Variants in FAP observed in about 807,000 individuals in gnomAD.
FAP encodes prolyl endopeptidase FAP.
FAP carries 110 observed loss-of-function variants against 126.5 expected under a neutral mutation model. That is an observed-to-expected ratio of 0.87 (90% CI 0.74 to 1.02). The LOEUF is 1.02. FAP is among the 50% of genes least tolerant of loss of function. The pLI, the probability that FAP is intolerant of heterozygous loss-of-function variation, is 0.00. For synonymous variants in FAP, 334 were observed against 297.3 expected (o/e 1.12, Z -1.27); for missense variants, 919 against 909.2 (o/e 1.01, Z -0.14).
At position 162,216,561 on chromosome 2, in the gene FAP, A is replaced by T. The variant is rs115621352; in HGVS notation, c.763-560T>A. On this transcript the variant is annotated intron_variant, in intron 9 of 25. Coordinates refer to ENST00000188790, the MANE Select transcript of FAP (RefSeq NM_004460.5). ...CACCTCCAAATGAAGTATCCATGAG[A>T]TTTATACTTTTCTTGTTTTGTGCTT... Among the ~76,000 whole-genome samples the T allele has an allele frequency of 4.6e-3, 708 of 152,296 alleles. 9 individuals carry two copies. The highest frequency in any genetic ancestry group is 0.016 in the African/African-American group (668 of 41,556).
In FAP at chr2:162,182,997, C is replaced by G. The variant is rs76591734; in HGVS notation, c.1869+417G>C. 1.2e-3 allele frequency among the ~76,000 whole-genome samples: 190 copies of G among 152,108 alleles called. 1 individual carries two copies. Among genetic ancestry groups the G allele is most frequent in the Non-Finnish European group, 1.8e-3 (123 of 68,014 alleles). On this transcript the variant is annotated intron_variant, in intron 21 of 25. Coordinates refer to ENST00000188790, the MANE Select transcript of FAP (RefSeq NM_004460.5). ...AAACAGCTAAGATATGACTGCTAGG[C>G]TAGGTACTAAGGAATTTATATTCTG...
At position 162,218,973 on chromosome 2, in the gene FAP, G is replaced by A. The variant is rs1055184915; in HGVS notation, c.607+90C>T. 1.4e-4 allele frequency: 145 copies of A among 1,047,294 alleles called. No individual in the cohort carries two copies. In the African/African-American group the frequency reaches 1.4e-3, roughly 10 times the overall value. The allele number at this position is 1,047,294 out of a possible 1,614,324, so 64.9% of individuals were successfully genotyped here. A position where few individuals can be genotyped will look rare whatever the true frequency, so the allele number is the denominator to read the frequency against. ...GCAATGCTACCCTTCATGGAAATAA[G>A]ATACTACTCATCTAAATCTTACTAA... On this transcript the variant is annotated intron_variant, in intron 8 of 25. Coordinates refer to ENST00000188790, the MANE Select transcript of FAP (RefSeq NM_004460.5).
Position 162,221,814 on chromosome 2 carries a change from T to A in FAP, c.413+1794A>T, listed in dbSNP as rs1317123257. 8.9e-6 allele frequency: 4 copies of A among 447,982 alleles called. No homozygotes were observed. In the Admixed American group the frequency reaches 9.9e-5, roughly 11 times the overall value. 27.8% of individuals were successfully genotyped at this position (447,982 alleles called of 1,614,324 possible). On this transcript the variant is annotated intron_variant, in intron 6 of 25. Transcript: ENST00000188790. ...GCCTACCTAGCTTGAAACCAGTAGT[T>A]TTGTTTTCTCTATGCTAGATTTTTA... is the stretch of plus-strand genomic sequence containing the variant.
chr2:162,171,404 G>A (rs1687299243), intron 25 of FAP: 1 of 187,738 alleles, frequency 5.3e-6, no homozygotes, highest in Non-Finnish European at 1.1e-5. Flanking sequence ...TGCTTCTTTG[G>A]AGTCTGGTTT....
At chr2:162,196,516 A>ATTTTTTT (rs1559770826) in intron 16 of FAP, among the ~76,000 whole-genome samples, 1 of 148,720 alleles carries the variant, frequency 6.7e-6, no homozygotes, top group African/African-American at 2.5e-5. Context: ...AAACTTGCAT[A>ATTTTTTT]TCTTTTTTTT....
In FAP at chr2:162,223,642, T is replaced by C; in HGVS notation, c.379A>G (p.Thr127Ala). Residue 127 changes from threonine to alanine, a missense_variant, in exon 6 of 26, where the codon ACA (threonine) becomes GCA (alanine). By Grantham distance (58) the Thr-to-Ala change is moderately conservative. Coordinates refer to ENST00000188790, the MANE Select transcript of FAP (RefSeq NM_004460.5). Reference protein sequence around the residue: ...DYSKLWRYSYTATYYIYDLSN... With the variant: ...DYSKLWRYSYAATYYIYDLSN... Reference sequence around the variant, plus strand: ...AGGTCATAGATGTAATATGTTGCTGTGTAAGAGTATCTCCAAAGCTGTCAG... The same window carrying C: ...AGGTCATAGATGTAATATGTTGCTGCGTAAGAGTATCTCCAAAGCTGTCAG... 1.2e-6 allele frequency: 2 copies of C among 1,610,156 alleles called. No individual in the cohort carries two copies. The highest frequency in any genetic ancestry group is 1.7e-6 in the Non-Finnish European group (2 of 1,176,674).
chr2:162,182,067 T>C (rs1347818932), intron 21 of FAP, among the ~76,000 whole-genome samples: 2 of 152,156 alleles, frequency 1.3e-5, no homozygotes, highest in African/African-American at 4.8e-5. Flanking sequence ...TTCAGTGGCA[T>C]TTGCCCAACT....
intron 2 of FAP, among the ~76,000 whole-genome samples, chr2:162,231,129 G>A (rs1335917845): frequency 6.6e-6 from 1 of 152,160 alleles, no homozygotes; most frequent in East Asian, 1.9e-4. Context: ...AAGGCAAGGG[G>A]ACTGATTCTA....
Position 162,189,772 on chromosome 2 carries a change from T to C in FAP, c.1451-18A>G. 1 of 1,398,228 alleles carries C rather than the reference T, an allele frequency of 7.2e-7. No individual in the cohort carries two copies. Among genetic ancestry groups the C allele is most frequent in the Non-Finnish European group, 1.0e-6 (1 of 1,003,292 alleles). 86.6% of individuals were successfully genotyped at this position (1,398,228 alleles called of 1,614,324 possible). A position where few individuals can be genotyped will look rare whatever the true frequency, so the allele number is the denominator to read the frequency against. ...TTTAATTTCTGAAAAATGTTAAATGTTCATTTTTAATCAATAGTATTTCCA... is the reference window on the plus strand; with the variant it reads ...TTTAATTTCTGAAAAATGTTAAATGCTCATTTTTAATCAATAGTATTTCCA... On this transcript the variant is annotated intron_variant, in intron 17 of 25. Coordinates refer to ENST00000188790, the MANE Select transcript of FAP (RefSeq NM_004460.5).
At position 162,173,760 on chromosome 2, in the gene FAP, C is replaced by A; in HGVS notation, c.1997G>T (p.Gly666Val). Residue 666 changes from glycine (G) to valine (V), a missense_variant, in exon 23 of 26, where the codon GGT (glycine) becomes GTT (valine). By Grantham distance (109) the Gly-to-Val change is moderately radical (BLOSUM62 -3). Coordinates refer to ENST00000188790, the MANE Select transcript of FAP (RefSeq NM_004460.5). ...YASVYTERFM[G>V]LPTKDDNLEH... is the part of the protein sequence containing the mutation. ...AAGATTATCATCCTTTGTTGGGAGA[C>A]CCATGAATCTCTCTGTGTAGACAGA... The A allele has an allele frequency of 6.2e-7, 1 of 1,605,146 alleles. No individual in the cohort carries two copies. The highest frequency in any genetic ancestry group is 1.7e-5 in the Admixed American group (1 of 59,958).
chr2:162,185,189 T>C (rs1687822306), intron 20 of FAP, among the ~76,000 whole-genome samples: 1 of 152,192 alleles, frequency 6.6e-6, no homozygotes, highest in Non-Finnish European at 1.5e-5. Flanking sequence ...AGGATGTTTT[T>C]CTAATCTTGG....
At chr2:162,208,059 C>A (rs1371070262) in intron 12 of FAP, among the ~76,000 whole-genome samples, 1 of 150,566 alleles carries the variant, frequency 6.6e-6, no homozygotes, top group African/African-American at 2.4e-5. Flanking sequence ...AGATTGAGAC[C>A]ATCTTGGCTA....
At chr2:162,232,979 G>A (rs1689958051) in intron 2 of FAP, among the ~76,000 whole-genome samples, 1 of 152,012 alleles carries the variant, frequency 6.6e-6, no homozygotes, top group African/African-American at 2.4e-5. Context: ...GCTTCTACAT[G>A]GGGCTGGAGG....
In FAP at chr2:162,243,373, T is replaced by C. The variant is rs1690430048; in HGVS notation, c.-46A>G. 2.5e-6 allele frequency: 4 copies of C among 1,604,610 alleles called. No homozygotes were observed. The East Asian group carries it at 9.0e-5, about 36-fold the overall frequency. ...GTTAGCTAATTCTGTCTTCAGAGCG[T>C]GGGTCACTGGATCTGTGAAAACCGT... On this transcript the variant is annotated 5_prime_UTR_variant, in exon 1 of 26. Coordinates refer to ENST00000188790, the MANE Select transcript of FAP (RefSeq NM_004460.5).
In FAP at chr2:162,188,272, A is replaced by G. The variant is rs1228120411; in HGVS notation, c.1711T>C (p.Leu571=). 8.1e-6 allele frequency: 13 copies of G among 1,613,380 alleles called. No homozygotes were observed. Among genetic ancestry groups the G allele is most frequent in the East Asian group, 2.2e-5 (1 of 44,858 alleles). ...AAAGCTGTTCCTCGACCATCCACCA[A>G]GGCAATGACCATCCCTTCCTTACTT... is the stretch of plus-strand genomic sequence containing the variant. ...LASKEGMVIA[L]VDGRGTAFQG... The change falls in exon 20 of 26, where the codon TTG becomes CTG. Residue 571 remains leucine, a synonymous_variant. Transcript: ENST00000188790.
chr2:162,235,715 A>C (rs1001568707), intron 2 of FAP, among the ~76,000 whole-genome samples: 2 of 152,226 alleles, frequency 1.3e-5, no homozygotes, highest in Non-Finnish European at 2.9e-5. Flanking sequence ...TGCCTGAGCC[A>C]GCAGTGGCAC....
chr2:162,175,031 T>C lies in FAP; in HGVS notation c.1870-65A>G, dbSNP rs1348248213. The C allele has an allele frequency of 5.3e-6, 6 of 1,133,102 alleles. No homozygotes were observed. In the East Asian group the frequency reaches 9.7e-5, roughly 18 times the overall value. 70.2% of individuals were successfully genotyped at this position (1,133,102 alleles called of 1,614,324 possible). ...TCATAAGCTTTCCTCCATATGTTTATAGCAACTCTACTCACAATCCGGACT... is the reference window on the plus strand; with the variant it reads ...TCATAAGCTTTCCTCCATATGTTTACAGCAACTCTACTCACAATCCGGACT... On this transcript the variant is annotated intron_variant, in intron 21 of 25. Coordinates refer to ENST00000188790, the MANE Select transcript of FAP (RefSeq NM_004460.5).
At chr2:162,224,210 T>A (rs1689534715) in intron 5 of FAP, among the ~76,000 whole-genome samples, 1 of 152,198 alleles carries the variant, frequency 6.6e-6, no homozygotes, top group Non-Finnish European at 1.5e-5. Flanking sequence ...AGCTCTTTGT[T>A]TTCTTGTTAA....
At position 162,224,505 on chromosome 2, in the gene FAP, A is replaced by T; in HGVS notation, c.321T>A (p.Pro107=). 2.5e-6 allele frequency: 4 copies of T among 1,601,394 alleles called. No homozygotes were observed. Residue 107 remains proline, a synonymous_variant, in exon 5 of 26, where the codon CCT becomes CCA. Coordinates refer to ENST00000188790, the MANE Select transcript of FAP (RefSeq NM_004460.5). ...TTTCTAGATATACAAATTGCCGATC[A>T]GGTGATAAGCCGTAATTTGAAGCAT... The part of the protein sequence containing the change: ...SVNASNYGLS[P]DRQFVYLESD...
Sources: allele counts gnomAD v4.1 joint callset (sites outside exome capture counted in the v4.1 genomes callset), GRCh38; gene constraint gnomAD v4.1.1; transcripts MANE v1.5; gene names NCBI Gene and HGNC (gene_info 2026-07-23, HGNC 2026-07-21).